The following CCDC15 variants were observed in gnomAD, a reference collection of about 807,000 sequenced individuals.
CCDC15 encodes the protein coiled-coil domain-containing protein 15.
A neutral mutation model predicts 114.5 loss-of-function variants in CCDC15; 105 were observed. That is an observed-to-expected ratio of 0.92 (90% CI 0.78 to 1.08). CCDC15 has a LOEUF of 1.08. CCDC15 is among the 50% of genes least tolerant of loss of function. The pLI, the probability that CCDC15 is intolerant of heterozygous loss-of-function variation, is 0.00. For missense variants in CCDC15, 1,105 were observed against 1,093.6 expected (o/e 1.01, Z -0.15); for synonymous variants, 334 against 377.8 (o/e 0.88, Z 1.34).
chr11:124,964,122 C>T (rs550335720), intron 4 of CCDC15, among the ~76,000 whole-genome samples: 37 of 152,204 alleles, frequency 2.4e-4, no homozygotes, highest in African/African-American at 6.7e-4. Flanking sequence ...CGTGGCAATG[C>T]GGGCTCTTTT....
At chr11:125,035,844 A>G (rs969601284) in intron 13 of CCDC15, among the ~76,000 whole-genome samples, 1 of 152,220 alleles carries the variant, frequency 6.6e-6, no homozygotes, top group Non-Finnish European at 1.5e-5. Flanking sequence ...ACAAACTAAC[A>G]AGTAAAGAGA....
At chr11:124,996,281 TC>T (rs1402229447) in intron 11 of CCDC15, among the ~76,000 whole-genome samples, 1 of 152,170 alleles carries the variant, frequency 6.6e-6, no homozygotes, top group Non-Finnish European at 1.5e-5. Context: ...TCCTTAAACT[TC>T]CTGCTGCACC....
intron 6 of CCDC15, among the ~76,000 whole-genome samples, chr11:124,985,718 A>ATT (rs1948147511): frequency 6.6e-6 from 1 of 150,606 alleles, no homozygotes; most frequent in South Asian, 2.1e-4. Context: ...ATATATATAT[A>ATT]AATTTATACA....
At chr11:124,999,075 A>G (rs1272447506) in intron 11 of CCDC15, among the ~76,000 whole-genome samples, 1 of 152,084 alleles carries the variant, frequency 6.6e-6, no homozygotes, top group East Asian at 1.9e-4. Context: ...TTGCTTGCAC[A>G]TTAGAAACAT....
chr11:124,976,494 A>G (rs1041126959), intron 5 of CCDC15, among the ~76,000 whole-genome samples: 3 of 152,020 alleles, frequency 2.0e-5, no homozygotes, highest in African/African-American at 7.2e-5. Flanking sequence ...TTTTGTACCT[A>G]AATTATTTTC....
At chr11:124,992,833 A>G in intron 10 of CCDC15, 146 bp downstream of exon 10, 1 of 575,084 alleles carries the variant, frequency 1.7e-6, no homozygotes, top group Non-Finnish European at 3.1e-6. Context: ...CTAAGAGTAT[A>G]ATGTTTTTGG....
intron 13 of CCDC15, among the ~76,000 whole-genome samples, chr11:125,010,699 C>T (rs563379052): frequency 6.6e-6 from 1 of 152,108 alleles, no homozygotes; most frequent in African/African-American, 2.4e-5. Context: ...GATATCAGAC[C>T]TTTGTCAGGT....
chr11:124,960,033 T>C (rs1947631372), intron 4 of CCDC15, 30 bp downstream of exon 4: 3 of 1,492,124 alleles, frequency 2.0e-6, no homozygotes, highest in Admixed American at 4.5e-5. Flanking sequence ...ATTTTATGTC[T>C]ATGATATTTT....
chr11:124,965,222 G>T (rs1475997177), intron 4 of CCDC15, among the ~76,000 whole-genome samples: 1 of 152,172 alleles, frequency 6.6e-6, no homozygotes, highest in East Asian at 1.9e-4. Context: ...AATGGTACCA[G>T]CTCCTCTTTG....
At chr11:124,956,878 G>A (rs1486955198) in intron 2 of CCDC15, among the ~76,000 whole-genome samples, 1 of 152,092 alleles carries the variant, frequency 6.6e-6, no homozygotes, top group Non-Finnish European at 1.5e-5. Context: ...CTAAAGCTTG[G>A]CCCTTAGATC....
chr11:125,014,351 A>G (rs770367625), intron 13 of CCDC15, among the ~76,000 whole-genome samples: 2 of 152,188 alleles, frequency 1.3e-5, no homozygotes, highest in Non-Finnish European at 2.9e-5. Context: ...TTAAAACAAT[A>G]TTCAGTATTC....
chr11:125,021,279 T>C (rs890272911), intron 13 of CCDC15, among the ~76,000 whole-genome samples: 2 of 151,766 alleles, frequency 1.3e-5, no homozygotes, highest in Non-Finnish European at 2.9e-5. Flanking sequence ...GAGGGAGTGG[T>C]TAGCAATATT....
intron 4 of CCDC15, 132 bp downstream of exon 4, chr11:124,960,135 CTTT>C (rs57279788): frequency 0.011 from 4,645 of 431,976 alleles, 5 homozygotes; most frequent in South Asian, 0.014. Flanking sequence ...AATCATCCCC[CTTT>C]TTTTTTTTTT....
In CCDC15 at chr11:125,013,182, T is replaced by C. The variant is rs548078889; in HGVS notation, c.2411+7970T>C. 1.6e-4 allele frequency among the ~76,000 whole-genome samples: 24 copies of C among 152,204 alleles called. No homozygotes were observed. In the East Asian group the frequency reaches 4.6e-3, roughly 29 times the overall value. On this transcript the variant is annotated intron_variant, in intron 13 of 15. Coordinates refer to ENST00000344762, the MANE Select transcript of CCDC15 (RefSeq NM_025004.3). ...AATGCTTAAAGTGAGGCAGGGATAG[T>C]CTAGGGAGGTCAAGAAATGCTTTAT...
intron 15 of CCDC15, 24 bp downstream of exon 15, chr11:125,039,093 A>G (rs546719375): frequency 1.9e-6 from 3 of 1,562,416 alleles, no homozygotes; most frequent in Admixed American, 1.9e-5. Flanking sequence ...AGGAATAGTC[A>G]GGGCCTAATG....
At chr11:124,997,849 C>G (rs569018365) in intron 11 of CCDC15, among the ~76,000 whole-genome samples, 1 of 152,132 alleles carries the variant, frequency 6.6e-6, no homozygotes, top group Non-Finnish European at 1.5e-5. Flanking sequence ...GGCTGAGGCA[C>G]AAGAATCACT....
chr11:125,023,042 T>TAAA (rs1948672488), intron 13 of CCDC15, among the ~76,000 whole-genome samples: 1 of 151,920 alleles, frequency 6.6e-6, no homozygotes. Context: ...CTTTTCAGTT[T>TAAA]GTTCTTTTAT....
intron 4 of CCDC15, 37 bp downstream of exon 4, chr11:124,960,040 T>C: frequency 6.8e-7 from 1 of 1,470,824 alleles, no homozygotes; most frequent in Non-Finnish European, 9.1e-7. Context: ...GTCTATGATA[T>C]TTTCCCTATC....
chr11:124,962,157 C>T (rs1161965892), intron 4 of CCDC15, among the ~76,000 whole-genome samples: 3 of 152,108 alleles, frequency 2.0e-5, no homozygotes, highest in African/African-American at 7.2e-5. Flanking sequence ...CTTACCACTT[C>T]TGTTGCAGTT....
Sources: gnomAD v4.1 joint callset for allele counts (sites outside exome capture counted in the v4.1 genomes callset) on GRCh38, gnomAD v4.1.1 for gene constraint, MANE v1.5 for transcripts, NCBI Gene and HGNC (gene_info 2026-07-23, HGNC 2026-07-21) for gene names.